ACP6: variants seen among roughly 807,000 people sequenced by gnomAD.
ACP6 encodes acid phosphatase 6, lysophosphatidic, also known as lysophosphatidic acid phosphatase type 6.
A neutral mutation model predicts 48.1 loss-of-function variants in ACP6; 48 were observed. That is an observed-to-expected ratio of 1.00 (90% confidence interval 0.79 to 1.27). ACP6 has a LOEUF of 1.27. Among genes scored for constraint, ACP6 ranks in the 50% most tolerant of loss-of-function variants. The probability of loss-of-function intolerance (pLI) is 0.00; values close to 1 mark genes in which losing one functional copy is unlikely to be tolerated. For synonymous variants in ACP6, 172 were observed against 204.2 expected (o/e 0.84, Z 1.34); for missense variants, 485 against 529.1 (o/e 0.92, Z 0.82).
At chr1:147,668,667 G>GA (rs200172802) in intron 1 of ACP6, among the ~76,000 whole-genome samples, 1,583 of 150,618 alleles carry the variant, frequency 0.011, 20 homozygotes, top group African/African-American at 0.019. Flanking sequence ...GTAAGAGACT[G>GA]AAAAAAAAAT....
chr1:147,663,676 C>G (rs1224128786), intron 1 of ACP6, among the ~76,000 whole-genome samples: 2 of 152,098 alleles, frequency 1.3e-5, no homozygotes, highest in Non-Finnish European at 1.5e-5. Flanking sequence ...ACTTCTACCC[C>G]CTTTGTCCAG....
At position 147,659,547 on chromosome 1, in the gene ACP6, AAAG is replaced by A. The variant is rs140662730; in HGVS notation, c.349-24_349-22del. The A allele has an allele frequency of 0.019, 31,212 of 1,613,852 alleles. 1,803 individuals carry two copies. In the African/African-American group the frequency reaches 0.21, roughly 11 times the overall value. On this transcript the variant is annotated intron_variant, in intron 2 of 9. Coordinates refer to ENST00000583509, the MANE Select transcript of ACP6 (RefSeq NM_016361.5). ...CCCCCCTAAAGTAGGGAAGAAAGAGAAAGAAGAATGAAAACACCTGACAGCCTG... is the reference window on the plus strand; with the variant it reads ...CCCCCCTAAAGTAGGGAAGAAAGAGAAAGAATGAAAACACCTGACAGCCTG...
chr1:147,655,072 G>A lies in ACP6; in HGVS notation c.647+89C>T, dbSNP rs1288015317. 1.0e-5 allele frequency: 11 copies of A among 1,075,918 alleles called. 1 individual carries two copies. Among genetic ancestry groups the A allele is most frequent in the South Asian group, 5.5e-5 (4 of 72,902 alleles). The allele number at this position is 1,075,918 out of a possible 1,614,324, so 66.6% of individuals were successfully genotyped here. On this transcript the variant is annotated intron_variant, in intron 5 of 9. Coordinates refer to ENST00000583509, the MANE Select transcript of ACP6 (RefSeq NM_016361.5). ...CATTATTCGCCAGTAGGGTAAGCCT[G>A]GACAGGCCCTCAGTATAGACAGAGT...
intron 5 of ACP6, among the ~76,000 whole-genome samples, chr1:147,636,936 G>T (rs1403956133): frequency 6.6e-6 from 1 of 152,202 alleles, no homozygotes; most frequent in Non-Finnish European, 1.5e-5. Flanking sequence ...CACCACAGTG[G>T]AAATTCCATG....
At chr1:147,652,408 T>G (rs782029245) in intron 7 of ACP6, 41 bp downstream of exon 7, 6 of 1,571,340 alleles carry the variant, frequency 3.8e-6, no homozygotes, top group Non-Finnish European at 5.2e-6. Context: ...CTTGGATGTC[T>G]GACCAAGCGT....
chr1:147,652,842 T>TC (rs1440936179), intron 6 of ACP6, among the ~76,000 whole-genome samples: 1 of 151,494 alleles, frequency 6.6e-6, no homozygotes, highest in African/African-American at 2.4e-5. Context: ...TTTTGGTTTT[T>TC]TTGAGACGGA....
chr1:147,654,273 T>G lies in ACP6; in HGVS notation c.701A>C (p.Lys234Thr), dbSNP rs1660115035. 1.9e-6 allele frequency: 3 copies of G among 1,613,826 alleles called. No individual in the cohort carries two copies. The highest frequency in any genetic ancestry group is 1.7e-6 in the Non-Finnish European group (2 of 1,179,922). ...LQPGISEDLK[K>T]VKDRMGIDSS... ...GTCAATGCCCATCCTGTCCTTCACC[T>G]TTTTCAAATCCTCTGAGATTCCTGG... The change falls in exon 6 of 10, where the codon AAG becomes ACG. Residue 234 changes from lysine (K) to threonine (T), a missense_variant. Coordinates refer to ENST00000583509, the MANE Select transcript of ACP6 (RefSeq NM_016361.5).
intron 1 of ACP6, among the ~76,000 whole-genome samples, chr1:147,669,319 A>C (rs944100276): frequency 1.3e-5 from 2 of 152,138 alleles, no homozygotes; most frequent in Non-Finnish European, 2.9e-5. Context: ...AAACCCTGAG[A>C]AAAAGCAGTT....
At position 147,670,235 on chromosome 1, in the gene ACP6, G is replaced by C. The variant is rs1661029612; in HGVS notation, c.-187C>G. 1.8e-6 allele frequency: 1 copy of C among 571,104 alleles called. No individual in the cohort carries two copies. The highest frequency in any genetic ancestry group is 3.1e-6 in the Non-Finnish European group (1 of 326,288). The allele number at this position is 571,104 out of a possible 1,614,324, so 35.4% of individuals were successfully genotyped here. ...AGGGAGACCCCGAGTGGGAACGGGG[G>C]AGAGAACAAGAGGTGGCAGCAGCGA... On this transcript the variant is annotated 5_prime_UTR_variant, in exon 1 of 10. Transcript: ENST00000583509.
exon 6 of ACP6, chr1:147,630,292 T>C (rs587772372): frequency 1.7e-4 from 26 of 152,344 alleles, no homozygotes; most frequent in African/African-American, 6.0e-4. Flanking sequence ...CCCGCAGCTC[T>C]GTGCTAGCCA....
At chr1:147,659,626 G>A in intron 2 of ACP6, 21 bp downstream of exon 2, 1 of 1,614,022 alleles carries the variant, frequency 6.2e-7, no homozygotes, top group Non-Finnish European at 8.5e-7. Context: ...GGGCTCCCCA[G>A]AGCAAGGAAG....
chr1:147,659,527 C>A lies in ACP6; in HGVS notation c.349-1G>T, dbSNP rs1553212326. 1 of 1,613,272 alleles carries A rather than the reference C, an allele frequency of 6.2e-7. No homozygotes were observed. The highest frequency in any genetic ancestry group is 8.5e-7 in the Non-Finnish European group (1 of 1,179,966). On this transcript the variant is annotated splice_acceptor_variant, in intron 2 of 9. Transcript: ENST00000583509. LOFTEE classifies it high-confidence loss of function. ...TCAGCTGCCCAGCAAACATGCCCCC[C>A]TAAAGTAGGGAAGAAAGAGAAAGAA...
At position 147,642,671 on chromosome 1, in the gene ACP6, T is replaced by A. The variant is rs1659490359; in HGVS notation, c.*4752A>T. 1 of 152,172 alleles carries A rather than the reference T, an allele frequency of 6.6e-6. No individual in the cohort carries two copies. The highest frequency in any genetic ancestry group is 1.5e-5 in the Non-Finnish European group (1 of 68,038). The allele number at this position is 152,172 out of a possible 1,614,324, so 9.4% of individuals were successfully genotyped here. On this transcript the variant is annotated 3_prime_UTR_variant, in exon 10 of 10. Transcript: ENST00000583509. The stretch of plus-strand genomic sequence containing the variant: ...TGACAGAGGGGATATGTCATTCAAA[T>A]GTCCAAGTGTCTGAGCACTGGCATG...
Position 147,652,438 on chromosome 1 carries a change from G to C in ACP6, c.881+11C>G, listed in dbSNP as rs1553210701. 1 of 1,606,588 alleles carries C rather than the reference G, an allele frequency of 6.2e-7. No individual in the cohort carries two copies. The highest frequency in any genetic ancestry group is 8.5e-7 in the Non-Finnish European group (1 of 1,176,232). On this transcript the variant is annotated intron_variant, in intron 7 of 9. Coordinates refer to ENST00000583509, the MANE Select transcript of ACP6 (RefSeq NM_016361.5). ...AAGCGTGACTTCATGCCAGCAGTGA[G>C]AGCCCCTCACCTGTCTTCCTTGGGC...
chr1:147,636,932 A>C (rs1303627393), intron 5 of ACP6, among the ~76,000 whole-genome samples: 1 of 152,216 alleles, frequency 6.6e-6, no homozygotes, highest in Non-Finnish European at 1.5e-5. Context: ...GAAGCACCAC[A>C]GTGGAAATTC....
downstream of ACP6, among the ~76,000 whole-genome samples, chr1:147,637,412 C>G (rs782264324): frequency 5.8e-4 from 88 of 152,196 alleles, no homozygotes; most frequent in Non-Finnish European, 9.3e-4. Flanking sequence ...CAATACTGTT[C>G]TGCGTGTGGT....
At chr1:147,669,695 T>A in intron 1 of ACP6, 135 bp downstream of exon 1, 5 of 886,950 alleles carry the variant, frequency 5.6e-6, no homozygotes, top group Non-Finnish European at 8.4e-6. Context: ...TGGCTACTGC[T>A]GTTTTCCCTT....
intron 9 of ACP6, 81 bp downstream of exon 9, chr1:147,648,165 G>T (rs1254195883): frequency 6.5e-7 from 1 of 1,527,016 alleles, no homozygotes; most frequent in Admixed American, 1.8e-5. Context: ...GCCTGAGGAG[G>T]GAGACTTGGT....
chr1:147,659,798 C>A (rs782420465), intron 1 of ACP6, 23 bp from the exon 2 acceptor site: 2 of 1,610,686 alleles, frequency 1.2e-6, no homozygotes, highest in Non-Finnish European at 1.7e-6. Context: ...AAAAAACACA[C>A]CACATTGTTT....
Sources: gnomAD v4.1 joint callset for allele counts (sites outside exome capture counted in the v4.1 genomes callset) on GRCh38, gnomAD v4.1.1 for gene constraint, MANE v1.5 for transcripts, NCBI Gene and HGNC (gene_info 2026-07-23, HGNC 2026-07-21) for gene names.